Variants in TMEM135 observed in about 807,000 individuals in gnomAD.
TMEM135 encodes the protein transmembrane protein 135, also known as peroxisomal membrane protein 52.
Under a neutral mutation model 60.3 loss-of-function variants are expected in TMEM135, and 30 were observed. The observed-to-expected ratio is 0.50, with a 90% CI of 0.37 to 0.68. The LOEUF (loss-of-function observed/expected upper bound fraction) is 0.68, where lower values mean the gene tolerates loss of function less well. Ranked by LOEUF, TMEM135 falls within the 30% of genes least tolerant of loss-of-function variation. The pLI is 0.00. For synonymous variants in TMEM135, 190 were observed against 186.7 expected, an observed-to-expected ratio of 1.02 and a Z score of -0.14; for missense variants, 468 against 548.8, an observed-to-expected ratio of 0.85 and a Z score of 1.47.
chr11:87,050,363 T>C (rs1178637399), intron 1 of TMEM135, among the ~76,000 whole-genome samples: 2 of 51,962 alleles, frequency 3.8e-5, no homozygotes, highest in Admixed American at 4.6e-4. Flanking sequence ...CTTCAAAAAA[T>C]CAATGAATCC....
At chr11:87,195,349 C>CCTTT (rs1939915606) in intron 5 of TMEM135, among the ~76,000 whole-genome samples, 1 of 118,844 alleles carries the variant, frequency 8.4e-6, no homozygotes. Context: ...TTCCTTCCTT[C>CCTTT]CTTCCTTCCT....
intron 5 of TMEM135, among the ~76,000 whole-genome samples, chr11:87,190,134 A>G (rs1255993788): frequency 6.6e-6 from 1 of 152,126 alleles, no homozygotes; most frequent in East Asian, 1.9e-4. Context: ...ATCTTGTGAA[A>G]TAGGTTCTAC....
At chr11:87,286,516 G>A (rs548084589) in intron 6 of TMEM135, among the ~76,000 whole-genome samples, 17 of 152,240 alleles carry the variant, frequency 1.1e-4, no homozygotes, top group African/African-American at 2.4e-4. Context: ...CGTGCTGCGC[G>A]CCTGCACTAC....
chr11:87,132,670 G>A (rs1186102012), intron 4 of TMEM135, among the ~76,000 whole-genome samples: 1 of 133,120 alleles, frequency 7.5e-6, no homozygotes, highest in Non-Finnish European at 1.7e-5. Flanking sequence ...AATTATTAGT[G>A]TTTAACAACA....
At chr11:87,213,364 A>T (rs182869927) in intron 5 of TMEM135, among the ~76,000 whole-genome samples, 1 of 152,266 alleles carries the variant, frequency 6.6e-6, no homozygotes, top group Admixed American at 6.5e-5. Context: ...TTGGCAGTGT[A>T]TAACAGAATA....
intron 4 of TMEM135, among the ~76,000 whole-genome samples, chr11:87,133,063 C>T (rs1281182912): frequency 6.6e-6 from 1 of 152,080 alleles, no homozygotes; most frequent in African/African-American, 2.4e-5. Context: ...GCATCTATAG[C>T]GTGGATACCT....
At chr11:87,156,983 C>T (rs915144842) in intron 4 of TMEM135, among the ~76,000 whole-genome samples, 35 of 151,958 alleles carry the variant, frequency 2.3e-4, no homozygotes, top group Non-Finnish European at 4.1e-4. Context: ...TATGATATTT[C>T]TGGGGTACAA....
At chr11:87,318,011 C>A in intron 12 of TMEM135, 126 bp from the exon 13 acceptor site, 1 of 731,274 alleles carries the variant, frequency 1.4e-6, no homozygotes, top group Non-Finnish European at 2.4e-6. Context: ...AAAAATGTGA[C>A]ATCGTTTGAG....
chr11:87,205,513 G>T (rs1387434325), intron 5 of TMEM135, among the ~76,000 whole-genome samples: 2 of 152,140 alleles, frequency 1.3e-5, no homozygotes, highest in African/African-American at 4.8e-5. Flanking sequence ...TCATAGTTGA[G>T]CAGGATCAGA....
At chr11:87,040,151 G>C (rs1419084920) in intron 1 of TMEM135, among the ~76,000 whole-genome samples, 1 of 152,138 alleles carries the variant, frequency 6.6e-6, no homozygotes, top group Non-Finnish European at 1.5e-5. Context: ...TTTTATATTA[G>C]TGAAATGGAA....
chr11:87,248,125 A>C (rs1941331559), intron 6 of TMEM135, among the ~76,000 whole-genome samples: 1 of 152,162 alleles, frequency 6.6e-6, no homozygotes. Context: ...ATTGCTTGCA[A>C]ATCTTGGCTG....
At chr11:87,053,259 GA>G (rs1309320948) in intron 1 of TMEM135, among the ~76,000 whole-genome samples, 5 of 147,092 alleles carry the variant, frequency 3.4e-5, no homozygotes, top group Non-Finnish European at 7.4e-5. Context: ...ATGACTTTGA[GA>G]AAAAAATTCG....
intron 6 of TMEM135, among the ~76,000 whole-genome samples, chr11:87,290,018 C>CT (rs200221991): frequency 0.02 from 3,025 of 151,864 alleles, 42 homozygotes; most frequent in Non-Finnish European, 0.026. Context: ...ATTAATCCCC[C>CT]CTAGGATGTA....
chr11:87,249,049 A>G lies in TMEM135; in HGVS notation c.509+12365A>G, dbSNP rs950741180. On this transcript the variant is annotated intron_variant, in intron 6 of 14. Transcript: ENST00000305494. ...TGTCTATCATCTGCAAAGAAGGATA[A>G]TTTAACTTCTTTGTTTCCAATTTGA... Among the ~76,000 whole-genome samples the G allele has an allele frequency of 2.6e-5, 4 of 152,130 alleles. 1 individual carries two copies. The highest frequency in any genetic ancestry group is 1.3e-4 in the Admixed American group (2 of 15,274).
intron 6 of TMEM135, among the ~76,000 whole-genome samples, chr11:87,282,418 C>T (rs2135421466): frequency 6.6e-6 from 1 of 152,262 alleles, no homozygotes; most frequent in Middle Eastern, 3.4e-3. Flanking sequence ...GCACGAGCCA[C>T]CATGGCCGGC....
At chr11:87,058,447 A>G (rs1949914660) in intron 1 of TMEM135, among the ~76,000 whole-genome samples, 1 of 151,738 alleles carries the variant, frequency 6.6e-6, no homozygotes, top group African/African-American at 2.4e-5. Flanking sequence ...CTGCTGCCTC[A>G]GCCTCCTGAG....
rs956382567 is a variant in TMEM135, at chr11:87,260,650, T to C, written c.509+23966T>C. On this transcript the variant is annotated intron_variant, in intron 6 of 14. Transcript: ENST00000305494. ...GGAGCTTTTACCTTCTTAAAAGAAA[T>C]AGGCCTAATAAAATAGGGCATTAAT... Among the ~76,000 whole-genome samples the C allele has an allele frequency of 3.9e-5, 6 of 152,262 alleles. No homozygotes were observed. In the South Asian group the frequency reaches 8.3e-4, roughly 21 times the overall value.
At chr11:87,195,709 C>T (rs565647164) in intron 5 of TMEM135, among the ~76,000 whole-genome samples, 39 of 152,036 alleles carry the variant, frequency 2.6e-4, no homozygotes, top group Non-Finnish European at 3.7e-4. Flanking sequence ...TGTGCCCAGA[C>T]GAAAAAGTCA....
intron 12 of TMEM135, among the ~76,000 whole-genome samples, chr11:87,316,306 C>T (rs758890753): frequency 8.3e-5 from 12 of 145,054 alleles, no homozygotes; most frequent in Non-Finnish European, 1.8e-4. Context: ...GAGAGAGAGA[C>T]AGAGAAAGAG....
Sources: gnomAD v4.1 joint callset for allele counts (sites outside exome capture counted in the v4.1 genomes callset) on GRCh38, gnomAD v4.1.1 for gene constraint, MANE v1.5 for transcripts, NCBI Gene and HGNC (gene_info 2026-07-23, HGNC 2026-07-21) for gene names.